MKLN1: variants seen among roughly 807,000 people sequenced by gnomAD.
The protein encoded by MKLN1 is muskelin 1, also known as muskelin.
MKLN1 carries 18 observed loss-of-function variants against 99.0 expected under a neutral mutation model. That is an observed-to-expected ratio of 0.18 (90% CI 0.13 to 0.27). MKLN1 has a LOEUF of 0.27. Ranked by LOEUF, MKLN1 falls within the 10% of genes least tolerant of loss-of-function variation. MKLN1 has a pLI of 1.00. For missense variants in MKLN1, 621 were observed against 875.9 expected (o/e 0.71, Z 3.67); for synonymous variants, 288 against 293.2 (o/e 0.98, Z 0.18).
chr7:131,345,413 G>A (rs1241570998), intron 1 of MKLN1, among the ~76,000 whole-genome samples: 2 of 152,162 alleles, frequency 1.3e-5, no homozygotes, highest in African/African-American at 4.8e-5. Flanking sequence ...GAACATTTCT[G>A]ATTTTGGGTT....
chr7:131,463,489 AT>A (rs1796576269), intron 13 of MKLN1, 125 bp downstream of exon 13: 1 of 1,033,404 alleles, frequency 9.7e-7, no homozygotes, highest in African/African-American at 1.6e-5. Context: ...AAAAGTCAGT[AT>A]TGGAAAAAAA....
At chr7:131,133,773 C>T in intron 1 of MKLN1, among the ~76,000 whole-genome samples, 1 of 147,554 alleles carries the variant, frequency 6.8e-6, no homozygotes, top group Non-Finnish European at 1.5e-5. Flanking sequence ...AGGCATAAGC[C>T]ACTACACCCG....
intron 1 of MKLN1, among the ~76,000 whole-genome samples, chr7:131,335,944 TTG>T (rs1486779613): frequency 6.6e-6 from 1 of 151,950 alleles, no homozygotes; most frequent in East Asian, 1.9e-4. Flanking sequence ...AGTTTGTAAA[TTG>T]TGTTATTGTG....
chr7:131,442,043 T>TA (rs928929699), intron 10 of MKLN1, among the ~76,000 whole-genome samples: 3 of 152,200 alleles, frequency 2.0e-5, no homozygotes, highest in African/African-American at 4.8e-5. Context: ...ATGATCATTT[T>TA]AAAAAATAGG....
At chr7:131,120,023 C>T (rs541748378) in intron 1 of MKLN1, among the ~76,000 whole-genome samples, 116 of 152,188 alleles carry the variant, frequency 7.6e-4, no homozygotes, top group African/African-American at 2.6e-3. Context: ...TTAGAAGCAG[C>T]CAGGCCACGT....
intron 2 of MKLN1, among the ~76,000 whole-genome samples, chr7:131,198,986 A>G (rs1011525622): frequency 6.6e-6 from 1 of 152,086 alleles, no homozygotes; most frequent in African/African-American, 2.4e-5. Flanking sequence ...ACTTTTTTAT[A>G]TGTCTGTTTT....
intron 1 of MKLN1, among the ~76,000 whole-genome samples, chr7:131,369,930 G>A (rs146445869): frequency 4.7e-4 from 72 of 151,866 alleles, no homozygotes; most frequent in African/African-American, 1.7e-3. Flanking sequence ...TCTGCCTCCC[G>A]GGTTCAAGCA....
chr7:131,115,438 C>G (rs555359418), intron 1 of MKLN1, among the ~76,000 whole-genome samples: 15 of 152,334 alleles, frequency 9.8e-5, no homozygotes, highest in African/African-American at 3.6e-4. Flanking sequence ...CTCTTCTGTG[C>G]TCTTGTAATA....
In MKLN1 at chr7:131,460,035, T is replaced by C. The variant is rs140182987; in HGVS notation, c.1526-3182T>C. Reference sequence around the variant, plus strand: ...GTTTCTAACTATGTCTGTAGTTTCATTCTGTCATTTGAATTTTTTGGTCAT... The same window carrying C: ...GTTTCTAACTATGTCTGTAGTTTCACTCTGTCATTTGAATTTTTTGGTCAT... On this transcript the variant is annotated intron_variant, in intron 12 of 17. Coordinates refer to ENST00000352689, the MANE Select transcript of MKLN1 (RefSeq NM_013255.5). Among the ~76,000 whole-genome samples, 1,160 of 152,318 alleles carry C rather than the reference T, an allele frequency of 7.6e-3. 13 individuals are homozygous for C. The highest frequency in any genetic ancestry group is 0.011 in the Non-Finnish European group (750 of 68,030).
intron 9 of MKLN1, among the ~76,000 whole-genome samples, chr7:131,433,018 C>T (rs1034601327): frequency 6.6e-6 from 1 of 152,150 alleles, no homozygotes; most frequent in South Asian, 2.1e-4. Context: ...ATCCACAGTT[C>T]CTATTCAGAT....
At chr7:131,221,049 C>G (rs922970908) in intron 3 of MKLN1, among the ~76,000 whole-genome samples, 6 of 152,144 alleles carry the variant, frequency 3.9e-5, no homozygotes, top group African/African-American at 1.4e-4. Flanking sequence ...CCATGTTAAT[C>G]CATCTGCCTC....
intron 3 of MKLN1, among the ~76,000 whole-genome samples, chr7:131,312,019 TG>T (rs1463441943): frequency 1.3e-5 from 2 of 152,014 alleles, no homozygotes; most frequent in Admixed American, 6.6e-5. Context: ...GTTTTTTGTT[TG>T]TTTGTTTGTT....
intron 2 of MKLN1, among the ~76,000 whole-genome samples, chr7:131,155,412 G>C (rs1459990143): frequency 6.6e-6 from 1 of 152,116 alleles, no homozygotes; most frequent in African/African-American, 2.4e-5. Context: ...AAATCCTTTA[G>C]TTGTAAACAT....
intron 3 of MKLN1, among the ~76,000 whole-genome samples, chr7:131,285,995 G>A (rs570939926): frequency 2.8e-5 from 4 of 145,448 alleles, no homozygotes; most frequent in Middle Eastern, 3.6e-3. Context: ...TCACTCTGTC[G>A]CCCAGGCTGG....
upstream of MKLN1, among the ~76,000 whole-genome samples, chr7:131,325,908 G>T (rs576493429): frequency 3.7e-3 from 551 of 147,778 alleles, 4 homozygotes; most frequent in African/African-American, 9.2e-3. Context: ...AGTGGGGGGG[G>T]GGTGGTGGTG....
At position 131,164,729 on chromosome 7, in the gene MKLN1, G is replaced by T. The variant is rs1015303467; in HGVS notation, c.-297+21788G>T. 2.6e-5 allele frequency among the ~76,000 whole-genome samples: 4 copies of T among 152,212 alleles called. No homozygotes were observed. In the South Asian group the frequency reaches 8.3e-4, roughly 32 times the overall value. On this transcript the variant is annotated intron_variant, in intron 2 of 7. Coordinates refer to the MKLN1 transcript ENST00000416992. ...TAGCGGTTTCAAATGTCATTCAGAT[G>T]AGATGACAATGAATCATAGAAGGAA...
chr7:131,420,751 C>G (rs907622591), intron 8 of MKLN1, among the ~76,000 whole-genome samples: 8 of 152,128 alleles, frequency 5.3e-5, no homozygotes, highest in Non-Finnish European at 1.0e-4. Flanking sequence ...TTCCCAGCCC[C>G]CATGGACAAG....
chr7:131,207,778 A>G (rs1361320758), intron 3 of MKLN1, among the ~76,000 whole-genome samples: 1 of 152,194 alleles, frequency 6.6e-6, no homozygotes, highest in Non-Finnish European at 1.5e-5. Flanking sequence ...CATAGAAAGG[A>G]AGAGGATCTA....
rs1554544033 is a variant in MKLN1, at chr7:131,263,346, T to TAATAATAATAATAA, written c.-179+60372_-179+60373insAATAATAATAATAA. On this transcript the variant is annotated intron_variant, in intron 3 of 7. Coordinates refer to the MKLN1 transcript ENST00000416992. ...TAGTGAGACCTCATCTCTACAATTA[T>TAATAATAATAATAA]TAATAATAATAATAATAATAATAAT... is the stretch of plus-strand genomic sequence containing the variant. 4.4e-3 allele frequency among the ~76,000 whole-genome samples: 560 copies of TAATAATAATAATAA among 128,140 alleles called. 2 individuals carry two copies. The highest frequency in any genetic ancestry group is 7.3e-3 in the South Asian group (23 of 3,136). 84.1% of individuals were successfully genotyped at this position (128,140 alleles called of 152,430 possible). A position where few individuals can be genotyped will look rare whatever the true frequency, so the allele number is the denominator to read the frequency against.
Sources: gnomAD v4.1 joint callset for allele counts (sites outside exome capture counted in the v4.1 genomes callset) on GRCh38, gnomAD v4.1.1 for gene constraint, MANE v1.5 for transcripts, NCBI Gene and HGNC (gene_info 2026-07-23, HGNC 2026-07-21) for gene names.